ELP1: variants seen among roughly 807,000 people sequenced by gnomAD.
The protein encoded by ELP1 is elongator acetyltransferase complex subunit 1.
In ELP1, 131 loss-of-function variants were observed where a neutral mutation model predicts 183.2. That is an observed-to-expected ratio of 0.72 (90% CI 0.62 to 0.83). The LOEUF is 0.83. ELP1 is among the 40% of genes least tolerant of loss of function. ELP1 has a pLI of 0.00. For missense variants in ELP1, 1,550 were observed against 1,594.9 expected, an observed-to-expected ratio of 0.97 and a Z score of 0.48; for synonymous variants, 555 against 569.0, an observed-to-expected ratio of 0.98 and a Z score of 0.35.
At chr9:108,909,593 C>G (rs995238748) in intron 12 of ELP1, among the ~76,000 whole-genome samples, 1 of 152,176 alleles carries the variant, frequency 6.6e-6, no homozygotes, top group Non-Finnish European at 1.5e-5. Context: ...GGTTCTTTAA[C>G]TTCTCAGGGT....
At chr9:108,892,531 A>G (rs1249121692) in intron 27 of ELP1, among the ~76,000 whole-genome samples, 1 of 152,220 alleles carries the variant, frequency 6.6e-6, no homozygotes, top group Non-Finnish European at 1.5e-5. Flanking sequence ...CTGGATCCTC[A>G]GGCAAGTTGC....
intron 6 of ELP1, among the ~76,000 whole-genome samples, chr9:108,920,623 G>A (rs1339974392): frequency 6.6e-6 from 1 of 151,170 alleles, no homozygotes; most frequent in African/African-American, 2.4e-5. Context: ...CACTAGGAGA[G>A]CCCAGGCAGG....
rs771575205 is a variant in ELP1, at chr9:108,912,313, G to T, written c.1140C>A (p.Ser380Arg). Residue 380 changes from serine to arginine, a missense_variant, in exon 11 of 37, where the codon AGC becomes AGA. Ser to Arg is a moderately radical substitution (Grantham distance 110). Coordinates refer to ENST00000374647, the MANE Select transcript of ELP1 (RefSeq NM_003640.5). ...ACAAGTCACTTGAATTATCTCCCAC[G>T]CTCCGGTCAGTCGTCCAGTGCCAAT... ...AYDWHWTTDR[S>R]VGDNSSDLSN... 3 of 1,613,926 alleles carry T rather than the reference G, an allele frequency of 1.9e-6. No individual in the cohort carries two copies. The highest frequency in any genetic ancestry group is 2.5e-6 in the Non-Finnish European group (3 of 1,180,034).
chr9:108,884,761 G>A (rs912609293), intron 29 of ELP1, among the ~76,000 whole-genome samples: 2 of 152,142 alleles, frequency 1.3e-5, no homozygotes, highest in African/African-American at 4.8e-5. Flanking sequence ...TATAAAGTAA[G>A]GAATCATCTC....
chr9:108,932,849 C>T (rs1425618415), intron 1 of ELP1, among the ~76,000 whole-genome samples: 1 of 152,156 alleles, frequency 6.6e-6, no homozygotes. Context: ...ACCTTCCTGC[C>T]TCCACTGATT....
At chr9:108,871,755 T>C (rs1587864106) in intron 36 of ELP1, among the ~76,000 whole-genome samples, 1 of 152,252 alleles carries the variant, frequency 6.6e-6, no homozygotes. Flanking sequence ...ACAATGACTG[T>C]GCTTTTTCTC....
intron 8 of ELP1, among the ~76,000 whole-genome samples, chr9:108,918,239 G>C (rs977275365): frequency 3.3e-5 from 5 of 152,270 alleles, no homozygotes; most frequent in Non-Finnish European, 4.4e-5. Context: ...CGAAACAGAG[G>C]AGATACATCT....
chr9:108,931,271 TGAAGAAGTGGTAGTCA>T, intron 1 of ELP1, 70 bp from the exon 2 acceptor site: 1 of 1,012,842 alleles, frequency 9.9e-7, no homozygotes, highest in Non-Finnish European at 1.5e-6. Flanking sequence ...ATTCAGGGGG[TGAAGAAGTGGTAGTCA>T]GAATCAGAAT....
At chr9:108,910,532 A>G (rs370838037) in intron 12 of ELP1, among the ~76,000 whole-genome samples, 10 of 152,332 alleles carry the variant, frequency 6.6e-5, no homozygotes, top group Non-Finnish European at 1.2e-4. Flanking sequence ...GTGGCAGGAC[A>G]AGTGGATTAG....
At chr9:108,928,946 T>C (rs903034994) in intron 3 of ELP1, among the ~76,000 whole-genome samples, 4 of 152,218 alleles carry the variant, frequency 2.6e-5, no homozygotes, top group Admixed American at 2.6e-4. Flanking sequence ...CTGGTCTAAT[T>C]ACTTAAGCAC....
In ELP1 at chr9:108,891,306, G is replaced by C. The variant is rs781537201; in HGVS notation, c.3057C>G (p.Leu1019=). The change falls in exon 28 of 37, where the codon CTC becomes CTG. Residue 1019 remains leucine (L), a synonymous_variant. Coordinates refer to ENST00000374647, the MANE Select transcript of ELP1 (RefSeq NM_003640.5). ...FARCGAHEKA[L]SAFLTCGNWK... ...AGTTGCCACATGTCAGAAAGGCTGAGAGAGCTTTCTCGTGGGCACCGCAAC... is the reference window on the plus strand; with the variant it reads ...AGTTGCCACATGTCAGAAAGGCTGACAGAGCTTTCTCGTGGGCACCGCAAC... The C allele has an allele frequency of 2.5e-5, 40 of 1,614,198 alleles. No individual in the cohort carries two copies. Among genetic ancestry groups the C allele is most frequent in the Non-Finnish European group, 3.2e-5 (38 of 1,180,012 alleles).
intron 14 of ELP1, among the ~76,000 whole-genome samples, chr9:108,904,897 A>G (rs778672881): frequency 1.2e-4 from 18 of 152,372 alleles, no homozygotes; most frequent in Non-Finnish European, 2.2e-4. Context: ...TTGAGAAATA[A>G]AAGTCAAAGC....
At chr9:108,909,655 C>T (rs1256616354) in intron 12 of ELP1, among the ~76,000 whole-genome samples, 1 of 152,166 alleles carries the variant, frequency 6.6e-6, no homozygotes, top group Non-Finnish European at 1.5e-5. Context: ...TTTCTATGAA[C>T]ACTGCTCTGG....
At chr9:108,895,700 TTGGAGAGG>T (rs1828517958) in intron 25 of ELP1, among the ~76,000 whole-genome samples, 2 of 152,164 alleles carry the variant, frequency 1.3e-5, no homozygotes, top group Admixed American at 1.3e-4. Context: ...ATTTTCATTT[TTGGAGAGG>T]TCATGGGGAA....
At chr9:108,871,811 C>T (rs550203213) in intron 36 of ELP1, among the ~76,000 whole-genome samples, 2 of 152,236 alleles carry the variant, frequency 1.3e-5, no homozygotes, top group Non-Finnish European at 2.9e-5. Context: ...AGCAATCCTG[C>T]ACCCACATAA....
intron 29 of ELP1, among the ~76,000 whole-genome samples, chr9:108,883,757 C>A (rs1240164002): frequency 1.3e-5 from 2 of 151,834 alleles, no homozygotes; most frequent in African/African-American, 4.8e-5. Context: ...CCTACAGCAA[C>A]CACTAAAATA....
Position 108,931,138 on chromosome 9 carries a change from A to AT in ELP1, c.8dup (p.Asn3LysfsTer27). 6.2e-7 allele frequency: 1 copy of AT among 1,614,132 alleles called. No individual in the cohort carries two copies. The highest frequency in any genetic ancestry group is 8.5e-7 in the Non-Finnish European group (1 of 1,179,976). On this transcript the variant is annotated frameshift_variant, in exon 2 of 37. Transcript: ENST00000374647. LOFTEE classifies it high-confidence loss of function. ...ACTCCAGGGTCCGAAATAATTTCAG[A>AT]TTTCGCATGATGAAGTGATTCCCAC...
intron 26 of ELP1, 58 bp downstream of exon 26, chr9:108,893,885 T>C: frequency 6.3e-7 from 1 of 1,583,336 alleles, no homozygotes; most frequent in Admixed American, 1.7e-5. Context: ...AATTTATACC[T>C]TGCCTAGTTC....
At chr9:108,887,851 G>C (rs1828186941) in intron 29 of ELP1, among the ~76,000 whole-genome samples, 1 of 152,188 alleles carries the variant, frequency 6.6e-6, no homozygotes, top group Admixed American at 6.5e-5. Context: ...ACATATCACT[G>C]AGGGGAATGC....
Sources: gnomAD v4.1 joint callset for allele counts (sites outside exome capture counted in the v4.1 genomes callset) on GRCh38, gnomAD v4.1.1 for gene constraint, MANE v1.5 for transcripts, NCBI Gene and HGNC (gene_info 2026-07-23, HGNC 2026-07-21) for gene names.